The following DCHS2 variants were observed in gnomAD, a reference collection of about 807,000 sequenced individuals.
DCHS2 encodes protocadherin-23.
In DCHS2, 142 loss-of-function variants were observed where a neutral mutation model predicts 182.4. That is an observed-to-expected ratio of 0.78 (90% CI 0.68 to 0.89). The LOEUF (loss-of-function observed/expected upper bound fraction) is 0.89, where lower values mean the gene tolerates loss of function less well. Among genes scored for constraint, DCHS2 ranks in the 40% least tolerant of loss-of-function variants. The probability of loss-of-function intolerance (pLI) is 0.00; values close to 1 mark genes in which losing one functional copy is unlikely to be tolerated. For synonymous variants in DCHS2, 1,740 were observed against 1,663.3 expected (o/e 1.05, Z -1.12); for missense variants, 4,319 against 4,198.6 (o/e 1.03, Z -0.79).
At chr4:154,291,274 CA>C (rs1364183823) in intron 13 of DCHS2, among the ~76,000 whole-genome samples, 1 of 151,310 alleles carries the variant, frequency 6.6e-6, no homozygotes, top group Non-Finnish European at 1.5e-5. Flanking sequence ...GACTTATATC[CA>C]AAAGACAGGA....
intron 10 of DCHS2, among the ~76,000 whole-genome samples, chr4:154,307,149 G>T (rs62330256): frequency 6.6e-6 from 1 of 152,020 alleles, no homozygotes; most frequent in African/African-American, 2.4e-5. Flanking sequence ...GGCTTATTTG[G>T]AATTTAACTA....
intron 13 of DCHS2, among the ~76,000 whole-genome samples, chr4:154,294,374 T>C (rs1269982339): frequency 6.6e-6 from 1 of 152,210 alleles, no homozygotes; most frequent in African/African-American, 2.4e-5. Context: ...TAGTTAAAGA[T>C]GTATGAAGCA....
intron 16 of DCHS2, among the ~76,000 whole-genome samples, chr4:154,254,482 A>G (rs2111152068): frequency 6.6e-6 from 1 of 152,310 alleles, no homozygotes; most frequent in East Asian, 1.9e-4. Context: ...ATAGTATTCT[A>G]TTCCAGGGTT....
intron 19 of DCHS2, 127 bp downstream of exon 19, chr4:154,239,043 C>T: frequency 7.1e-6 from 9 of 1,259,798 alleles, no homozygotes; most frequent in South Asian, 3.3e-5. Context: ...ATGAAACAGT[C>T]GTGCTTATAA....
chr4:154,331,688 T>A, intron 5 of DCHS2: 1 of 1,613,792 alleles, frequency 6.2e-7, no homozygotes, highest in Non-Finnish European at 8.5e-7. Context: ...TCTGCCCAGG[T>A]TATGACATAG....
chr4:154,254,075 C>T (rs1732526474), intron 16 of DCHS2, among the ~76,000 whole-genome samples: 1 of 152,116 alleles, frequency 6.6e-6, no homozygotes, highest in African/African-American at 2.4e-5. Context: ...ATTTCTGTTG[C>T]CTTATCAGCA....
chr4:154,380,290 T>A (rs1221922208), intron 1 of DCHS2, among the ~76,000 whole-genome samples: 1 of 152,144 alleles, frequency 6.6e-6, no homozygotes, highest in Non-Finnish European at 1.5e-5. Context: ...TATTTATAAG[T>A]TCTTCTCATC....
chr4:154,285,922 A>C (rs1012934642), intron 13 of DCHS2, among the ~76,000 whole-genome samples: 3 of 152,142 alleles, frequency 2.0e-5, no homozygotes, highest in African/African-American at 7.2e-5. Context: ...AAGGGGACCC[A>C]GTGCTGTACT....
chr4:154,411,585 C>T lies in DCHS2; in HGVS notation c.2053-34141G>A, dbSNP rs573780883. ...GACTCCAGCCTCAGTGACAGAGACT[C>T]CCTCTCAAAAAAAAAAGAAAAGAAT... On this transcript the variant is annotated intron_variant, in intron 1 of 19. Transcript: ENST00000357232. Among the ~76,000 whole-genome samples the T allele has an allele frequency of 1.1e-3, 160 of 151,790 alleles. 1 individual carries two copies. The highest frequency in any genetic ancestry group is 2.0e-3 in the Non-Finnish European group (135 of 67,930).
At chr4:154,450,783 T>A (rs1734498931) in intron 1 of DCHS2, among the ~76,000 whole-genome samples, 1 of 151,792 alleles carries the variant, frequency 6.6e-6, no homozygotes, top group East Asian at 1.9e-4. Context: ...CAGTGAGCCA[T>A]TGCACTCCAG....
chr4:154,376,988 G>A (rs1248960326), intron 2 of DCHS2, among the ~76,000 whole-genome samples: 1 of 152,110 alleles, frequency 6.6e-6, no homozygotes, highest in African/African-American at 2.4e-5. Flanking sequence ...ATTTAACATA[G>A]AAAGGATATA....
At chr4:154,245,957 G>T (rs1732049912) in intron 16 of DCHS2, among the ~76,000 whole-genome samples, 1 of 152,152 alleles carries the variant, frequency 6.6e-6, no homozygotes, top group African/African-American at 2.4e-5. Flanking sequence ...TGGGGATTTT[G>T]ATAACAGGGG....
chr4:154,394,609 C>G (rs1044998426), intron 1 of DCHS2, among the ~76,000 whole-genome samples: 2 of 152,120 alleles, frequency 1.3e-5, no homozygotes, highest in Non-Finnish European at 2.9e-5. Context: ...GCTCGATAAT[C>G]CTATCAGGGT....
chr4:154,370,865 G>T (rs1730612929), intron 2 of DCHS2, among the ~76,000 whole-genome samples: 1 of 152,284 alleles, frequency 6.6e-6, no homozygotes, highest in South Asian at 2.1e-4. Flanking sequence ...GAAAACTAAA[G>T]GGAGTTTGCA....
chr4:154,273,914 G>T (rs1391184112), intron 13 of DCHS2, among the ~76,000 whole-genome samples: 3 of 152,130 alleles, frequency 2.0e-5, no homozygotes, highest in Admixed American at 6.6e-5. Context: ...CTGCTGCTGG[G>T]TGCACAGTAA....
At chr4:154,237,691 T>C (rs1432715415) in intron 19 of DCHS2, 2 of 152,304 alleles carry the variant, frequency 1.3e-5, no homozygotes, top group Non-Finnish European at 2.9e-5. Flanking sequence ...TGCTGAAATG[T>C]AGTTGATAAA....
chr4:154,417,158 AGTGTGTGTGTGT>A (rs778940410), intron 1 of DCHS2, among the ~76,000 whole-genome samples: 1,137 of 79,360 alleles, frequency 0.014, 42 homozygotes, highest in Middle Eastern at 0.025. Context: ...GCCGGTCCCG[AGTGTGTGTGTGT>A]GTGTGTGTGT....
chr4:154,355,198 G>T (rs576137102), intron 3 of DCHS2, among the ~76,000 whole-genome samples: 11 of 152,196 alleles, frequency 7.2e-5, no homozygotes, highest in African/African-American at 2.4e-4. Flanking sequence ...CAAAGACTCT[G>T]CTGATAAACA....
chr4:154,476,397 T>A (rs1735680860), intron 1 of DCHS2, among the ~76,000 whole-genome samples: 1 of 152,240 alleles, frequency 6.6e-6, no homozygotes, highest in Non-Finnish European at 1.5e-5. Flanking sequence ...GAAAGATCTG[T>A]CTGATACGAA....
Sources: gnomAD v4.1 joint callset for allele counts (sites outside exome capture counted in the v4.1 genomes callset) on GRCh38, gnomAD v4.1.1 for gene constraint, MANE v1.5 for transcripts, NCBI Gene and HGNC (gene_info 2026-07-23, HGNC 2026-07-21) for gene names.